The following NCOA6 variants were observed in gnomAD, a reference collection of about 807,000 sequenced individuals.
NCOA6 encodes nuclear receptor coactivator 6.
A neutral mutation model predicts 171.4 loss-of-function variants in NCOA6; 49 were observed. The ratio of observed to expected loss-of-function variants is 0.29; its 90% CI spans 0.23 to 0.36. The LOEUF (loss-of-function observed/expected upper bound fraction) is 0.36. Among genes scored for constraint, NCOA6 ranks in the 10% least tolerant of loss-of-function variants. The probability of loss-of-function intolerance (pLI) is 1.00; values close to 1 mark genes in which losing one functional copy is unlikely to be tolerated. For synonymous variants in NCOA6, 910 were observed against 927.5 expected (o/e 0.98, Z 0.34); for missense variants, 2,248 against 2,554.5 (o/e 0.88, Z 2.59).
Position 34,750,043 on chromosome 20 carries a change from T to C in NCOA6, c.2152A>G (p.Thr718Ala). Residue 718 changes from threonine to alanine, a missense_variant, in exon 9 of 15, where the codon ACC (threonine) becomes GCC (alanine). Physicochemically the swap from Thr to Ala is moderately conservative, Grantham distance 58. Coordinates refer to ENST00000359003, the MANE Select transcript of NCOA6 (RefSeq NM_014071.5). ...TGCTTATTCCCCTGCATTTGATTGG[T>C]CATAATCTGCTCTATCATTGGGTTC... is the stretch of plus-strand genomic sequence containing the variant. ...QQNPMIEQIM[T>A]NQMQGNKQQF... is the part of the protein sequence containing the mutation. 1 of 1,614,248 alleles carries C rather than the reference T, an allele frequency of 6.2e-7. No individual in the cohort carries two copies. Among genetic ancestry groups the C allele is most frequent in the Non-Finnish European group, 8.5e-7 (1 of 1,180,038 alleles).
intron 8 of NCOA6, among the ~76,000 whole-genome samples, chr20:34,753,095 T>G (rs2076539741): frequency 6.7e-6 from 1 of 150,284 alleles, no homozygotes. Flanking sequence ...CAGGCTGGAG[T>G]GCAGTGGCGT....
rs752325069 is a variant in NCOA6, at chr20:34,742,573, C to T, written c.3683G>A (p.Arg1228His). 8.1e-6 allele frequency: 13 copies of T among 1,613,976 alleles called. No homozygotes were observed. The highest frequency in any genetic ancestry group is 1.0e-5 in the Non-Finnish European group (12 of 1,180,012). Residue 1228 changes from arginine (R) to histidine (H), a missense_variant, in exon 11 of 15, where the codon CGC becomes CAC. Physicochemically the swap from Arg to His is conservative, Grantham distance 29. This residue lies in a region of NCOA6 where 352 missense variants were observed against 419.1 expected (regional missense o/e 0.84). Transcript: ENST00000359003. ...RPYYPQTPNN[R>H]PPSTEPSEIS... ...TTCTGAAGGTTCTGTGCTGGGAGGG[C>T]GGTTGTTGGGTGTCTGAGGATAATA...
At chr20:34,825,044 G>A (rs1415625352) in intron 1 of NCOA6, among the ~76,000 whole-genome samples, 2 of 152,038 alleles carry the variant, frequency 1.3e-5, no homozygotes, top group African/African-American at 4.8e-5. Flanking sequence ...TCAGCCCATA[G>A]ACCCCAATCC....
At chr20:34,802,397 C>A (rs1462253528) in intron 1 of NCOA6, among the ~76,000 whole-genome samples, 3 of 152,078 alleles carry the variant, frequency 2.0e-5, no homozygotes, top group African/African-American at 7.2e-5. Context: ...GTTAGGAGAT[C>A]GAGACCATCC....
At chr20:34,771,286 A>AT (rs1165086383) in intron 4 of NCOA6, among the ~76,000 whole-genome samples, 3 of 151,824 alleles carry the variant, frequency 2.0e-5, no homozygotes, top group Admixed American at 6.6e-5. Context: ...TGCCTGGCTA[A>AT]TTTTTTTATT....
chr20:34,771,925 T>C (rs1453537757), intron 4 of NCOA6, among the ~76,000 whole-genome samples: 1 of 152,236 alleles, frequency 6.6e-6, no homozygotes, highest in Admixed American at 6.5e-5. Context: ...CTCGTTTTCT[T>C]GCTTGCCTCC....
intron 5 of NCOA6, among the ~76,000 whole-genome samples, chr20:34,765,268 C>A (rs1292978370): frequency 6.6e-6 from 1 of 151,290 alleles, no homozygotes; most frequent in Admixed American, 6.6e-5. Context: ...CTGGCTAACA[C>A]AGTGAACCCT....
At position 34,792,565 on chromosome 20, in the gene NCOA6, T is replaced by C; in HGVS notation, c.-163-2A>G. On this transcript the variant is annotated splice_acceptor_variant, in intron 1 of 14. Coordinates refer to ENST00000359003, the MANE Select transcript of NCOA6 (RefSeq NM_014071.5). LOFTEE classifies it low-confidence loss of function (5UTR_SPLICE). Reference sequence around the variant, plus strand: ...CAGCCCAGCAGCCAAATCAAAATTCTAAAAACAAACAACAACAACAACAAC... The same window carrying C: ...CAGCCCAGCAGCCAAATCAAAATTCCAAAAACAAACAACAACAACAACAAC... The C allele has an allele frequency of 2.5e-6, 1 of 398,062 alleles. No homozygotes were observed. Among genetic ancestry groups the C allele is most frequent in the Non-Finnish European group, 4.4e-6 (1 of 225,688 alleles). 24.7% of individuals were successfully genotyped at this position (398,062 alleles called of 1,614,324 possible). A position where few individuals can be genotyped will look rare whatever the true frequency, so the allele number is the denominator to read the frequency against.
rs552807322 is a variant in NCOA6 at position 34,780,512 on chromosome 20, T to C, written c.235+1609A>G. ...GATTACAGGCACCTGCCAGCACGCC[T>C]GACTAATTTTTGTATTTTTAGTAGA... On this transcript the variant is annotated intron_variant, in intron 3 of 14. Coordinates refer to ENST00000359003, the MANE Select transcript of NCOA6 (RefSeq NM_014071.5). Among the ~76,000 whole-genome samples the C allele has an allele frequency of 6.6e-5, 10 of 151,946 alleles. No individual in the cohort carries two copies. The East Asian group carries it at 1.4e-3, about 21-fold the overall frequency.
chr20:34,804,180 T>C (rs1601105046), intron 1 of NCOA6, among the ~76,000 whole-genome samples: 1 of 151,796 alleles, frequency 6.6e-6, no homozygotes, highest in East Asian at 1.9e-4. Flanking sequence ...CTACTAAAAA[T>C]ACAAAAATTA....
At chr20:34,731,447 TG>T in intron 13 of NCOA6, among the ~76,000 whole-genome samples, 1 of 152,226 alleles carries the variant, frequency 6.6e-6, no homozygotes. Context: ...TCTGTGACCT[TG>T]GGCAATTTAG....
chr20:34,768,729 G>T, intron 4 of NCOA6, 143 bp from the exon 5 acceptor site: 1 of 865,954 alleles, frequency 1.2e-6, no homozygotes, highest in Non-Finnish European at 1.7e-6. Context: ...TGGGTTCAAT[G>T]TAGATGGGTC....
chr20:34,717,938 G>C (rs1988804353), intron 14 of NCOA6, among the ~76,000 whole-genome samples: 1 of 152,206 alleles, frequency 6.6e-6, no homozygotes, highest in South Asian at 2.1e-4. Context: ...GCTGGGAAAA[G>C]AAGTGGGTAG....
At chr20:34,753,133 C>T (rs2076541139) in intron 8 of NCOA6, among the ~76,000 whole-genome samples, 1 of 150,540 alleles carries the variant, frequency 6.6e-6, no homozygotes, top group Admixed American at 6.6e-5. Flanking sequence ...ACAACCTCTG[C>T]CTCCCAGGTT....
At chr20:34,787,352 C>T (rs368509558) in intron 2 of NCOA6, among the ~76,000 whole-genome samples, 5 of 151,744 alleles carry the variant, frequency 3.3e-5, no homozygotes, top group South Asian at 4.2e-4. Context: ...AGTAAGACCC[C>T]GACTCTACAA....
intron 5 of NCOA6, among the ~76,000 whole-genome samples, chr20:34,764,465 G>A (rs1339538296): frequency 1.3e-5 from 2 of 152,000 alleles, no homozygotes; most frequent in Admixed American, 6.5e-5. Flanking sequence ...AGGCTGAGAC[G>A]CGTGGATCAC....
At chr20:34,756,020 A>G (rs1244326643) in intron 7 of NCOA6, among the ~76,000 whole-genome samples, 1 of 152,216 alleles carries the variant, frequency 6.6e-6, no homozygotes, top group Admixed American at 6.5e-5. Flanking sequence ...TACAGGCGTG[A>G]GCCACTGCGC....
chr20:34,718,157 G>A (rs1707598662), intron 14 of NCOA6, among the ~76,000 whole-genome samples: 1 of 152,192 alleles, frequency 6.6e-6, no homozygotes, highest in Admixed American at 6.5e-5. Context: ...GGATACTGTG[G>A]TTGGTGGGGA....
chr20:34,781,568 C>T (rs1376507239), intron 3 of NCOA6, among the ~76,000 whole-genome samples: 2 of 152,122 alleles, frequency 1.3e-5, no homozygotes, highest in African/African-American at 4.8e-5. Context: ...GATTTTCATG[C>T]AATATAACTC....
Sources: allele counts gnomAD v4.1 joint callset (sites outside exome capture counted in the v4.1 genomes callset), GRCh38; gene constraint gnomAD v4.1.1; regional missense constraint gnomAD v4.1.1; transcripts MANE v1.5; gene names NCBI Gene and HGNC (gene_info 2026-07-23, HGNC 2026-07-21).